Variants in MYO1B observed in about 807,000 individuals in gnomAD.
MYO1B encodes myosin IB.
A neutral mutation model predicts 159.7 loss-of-function variants in MYO1B; 72 were observed. That is an observed-to-expected ratio of 0.45 (90% CI 0.37 to 0.55). MYO1B has a LOEUF of 0.55. Among genes scored for constraint, MYO1B ranks in the 20% least tolerant of loss-of-function variants. The pLI, the probability that MYO1B is intolerant of heterozygous loss-of-function variation, is 0.00. For missense variants in MYO1B, 1,062 were observed against 1,364.8 expected (o/e 0.78, Z 3.50); for synonymous variants, 468 against 473.8 (o/e 0.99, Z 0.16).
intron 19 of MYO1B, 52 bp from the exon 20 acceptor site, chr2:191,393,021 G>A: frequency 6.5e-7 from 1 of 1,549,592 alleles, no homozygotes; most frequent in Non-Finnish European, 8.9e-7. Flanking sequence ...TTTCCTGTAT[G>A]CTGTGAGGTT....
At chr2:191,371,681 T>A (rs1694374293) in intron 13 of MYO1B, among the ~76,000 whole-genome samples, 1 of 152,200 alleles carries the variant, frequency 6.6e-6, no homozygotes, top group Admixed American at 6.5e-5. Flanking sequence ...CTCACCTTTC[T>A]TCCCAAAGTA....
Position 191,248,775 on chromosome 2 carries a change from T to C in MYO1B, c.-10+3149T>C, listed in dbSNP as rs550849243. Among the ~76,000 whole-genome samples, 29 of 152,322 alleles carry C rather than the reference T, an allele frequency of 1.9e-4. No individual in the cohort carries two copies. In the South Asian group the frequency reaches 4.3e-3, roughly 23 times the overall value. On this transcript the variant is annotated intron_variant, in intron 1 of 30. Coordinates refer to ENST00000392318, the MANE Select transcript of MYO1B (RefSeq NM_001130158.3). The stretch of plus-strand genomic sequence containing the variant: ...CGATTGGGGATCCCAAAGTCCATAC[T>C]CTTTAGGTATATACTGTATGGTATG...
At chr2:191,391,075 G>T (rs1473181758) in intron 18 of MYO1B, among the ~76,000 whole-genome samples, 1 of 152,234 alleles carries the variant, frequency 6.6e-6, no homozygotes, top group Non-Finnish European at 1.5e-5. Context: ...AGGCCCAGTG[G>T]TGCATCCCCA....
At chr2:191,391,602 T>C (rs1000214298) in intron 18 of MYO1B, among the ~76,000 whole-genome samples, 11 of 151,984 alleles carry the variant, frequency 7.2e-5, no homozygotes, top group African/African-American at 2.4e-4. Context: ...GAAACCGGGG[T>C]CCAGGATGGA....
chr2:191,365,010 T>G (rs778356696), intron 11 of MYO1B, among the ~76,000 whole-genome samples: 1 of 152,012 alleles, frequency 6.6e-6, no homozygotes, highest in Non-Finnish European at 1.5e-5. Context: ...ACCCTTGATA[T>G]TGGGGCCAGT....
At chr2:191,400,523 C>T (rs1289130201) in intron 22 of MYO1B, 55 bp downstream of exon 22, 2 of 1,582,982 alleles carry the variant, frequency 1.3e-6, no homozygotes, top group African/African-American at 2.7e-5. Flanking sequence ...CATGTGGAAC[C>T]ATGAACCCTC....
chr2:191,346,328 A>C (rs1692562813), intron 6 of MYO1B, 46 bp downstream of exon 6: 25 of 1,339,250 alleles, frequency 1.9e-5, no homozygotes, highest in Non-Finnish European at 2.5e-5. Flanking sequence ...TATTTAGCTC[A>C]TGTATGTTTA....
intron 19 of MYO1B, 45 bp downstream of exon 19, chr2:191,392,246 T>C (rs781006661): frequency 3.5e-6 from 5 of 1,413,424 alleles, no homozygotes; most frequent in East Asian, 2.3e-5. Flanking sequence ...GTTGGAATCG[T>C]ATAGGAAAGT....
Position 191,276,940 on chromosome 2 carries a change from T to C in MYO1B, c.45T>C (p.Ile15=). 2.5e-6 allele frequency: 4 copies of C among 1,613,944 alleles called. No homozygotes were observed. The highest frequency in any genetic ancestry group is 3.4e-6 in the Non-Finnish European group (4 of 1,179,966). Residue 15 remains isoleucine, a synonymous_variant, in exon 2 of 31, where the codon ATT becomes ATC. Transcript: ENST00000392318. ...AAACCTCACTTCTGGACAATATGAT[T>C]GGAGTTGGGGATATGGTTCTTTTAG... The part of the protein sequence containing the change: ...EVKTSLLDNM[I]GVGDMVLLEP...
At position 191,361,309 on chromosome 2, in the gene MYO1B, A is replaced by G. The variant is rs188022093; in HGVS notation, c.661+580A>G. 3.5e-3 allele frequency among the ~76,000 whole-genome samples: 540 copies of G among 152,334 alleles called. 18 individuals are homozygous for G. The highest frequency in any genetic ancestry group is 0.031 in the Admixed American group (480 of 15,294). On this transcript the variant is annotated intron_variant, in intron 8 of 30. Coordinates refer to ENST00000392318, the MANE Select transcript of MYO1B (RefSeq NM_001130158.3). ...GTTCTAATTAAATGAGTACAATTCT[A>G]TAAAAACAAATTGCTAGGTGAATAT...
At chr2:191,385,517 C>G (rs189399455) in intron 15 of MYO1B, among the ~76,000 whole-genome samples, 1 of 47,128 alleles carries the variant, frequency 2.1e-5, no homozygotes, top group African/African-American at 2.8e-5. Context: ...TTGTCACATT[C>G]ATTTCTGCTT....
chr2:191,268,758 A>C (rs13399251), intron 1 of MYO1B, among the ~76,000 whole-genome samples: 63,868 of 151,940 alleles, frequency 0.42, 13,504 homozygotes, highest in Middle Eastern at 0.54. Flanking sequence ...TATGAGCTCC[A>C]TGCTCTGCTG....
intron 1 of MYO1B, among the ~76,000 whole-genome samples, chr2:191,259,615 A>G (rs1265238152): frequency 6.6e-6 from 1 of 152,132 alleles, no homozygotes; most frequent in Non-Finnish European, 1.5e-5. Flanking sequence ...TAATACTGTG[A>G]TGAGCCTTTT....
intron 5 of MYO1B, among the ~76,000 whole-genome samples, chr2:191,344,488 G>C (rs1692427894): frequency 1.3e-5 from 2 of 152,170 alleles, no homozygotes; most frequent in Non-Finnish European, 2.9e-5. Context: ...TGCCTGTGTT[G>C]ACTTTGTAAA....
At chr2:191,263,023 A>C (rs1032385976) in intron 1 of MYO1B, 7 of 152,206 alleles carry the variant, frequency 4.6e-5, no homozygotes, top group Non-Finnish European at 7.3e-5. Context: ...TTGCACATGC[A>C]TGAGAAGCAG....
intron 22 of MYO1B, 42 bp downstream of exon 22, chr2:191,400,510 C>T (rs376433118): frequency 2.8e-5 from 44 of 1,599,496 alleles, no homozygotes; most frequent in Non-Finnish European, 3.4e-5. Context: ...TCAGCAGTAA[C>T]GTCATGTGGA....
At chr2:191,345,080 T>C (rs948891980) in intron 5 of MYO1B, among the ~76,000 whole-genome samples, 10 of 152,152 alleles carry the variant, frequency 6.6e-5, no homozygotes, top group Non-Finnish European at 1.5e-4. Context: ...CTCTAGAGAT[T>C]TGATGCCTAG....
At chr2:191,278,640 G>A (rs142934181) in intron 2 of MYO1B, among the ~76,000 whole-genome samples, 3 of 152,288 alleles carry the variant, frequency 2.0e-5, no homozygotes, top group East Asian at 1.9e-4. Context: ...TCAGAGATGC[G>A]ATTATTTAAA....
intron 2 of MYO1B, among the ~76,000 whole-genome samples, chr2:191,291,564 A>T (rs1233704924): frequency 6.6e-6 from 1 of 151,794 alleles, no homozygotes; most frequent in African/African-American, 2.4e-5. Flanking sequence ...GGAGCTTTCC[A>T]TTGTCATATT....
Sources: allele counts gnomAD v4.1 joint callset (sites outside exome capture counted in the v4.1 genomes callset), GRCh38; gene constraint gnomAD v4.1.1; transcripts MANE v1.5; gene names NCBI Gene and HGNC (gene_info 2026-07-23, HGNC 2026-07-21).